Variants in ZAN observed in about 807,000 individuals in gnomAD.
ZAN encodes zonadhesin (gene/pseudogene).
In ZAN, 260 loss-of-function variants were observed where a neutral mutation model predicts 286.2. The ratio of observed to expected loss-of-function variants is 0.91; its 90% CI spans 0.82 to 1.01. The LOEUF (loss-of-function observed/expected upper bound fraction) is 1.01. Among genes scored for constraint, ZAN ranks in the 50% least tolerant of loss-of-function variants. The pLI, the probability that ZAN is intolerant of heterozygous loss-of-function variation, is 0.00. For missense variants in ZAN, 3,410 were observed against 3,639.2 expected, an observed-to-expected ratio of 0.94 and a Z score of 1.62; for synonymous variants, 1,368 against 1,417.5, an observed-to-expected ratio of 0.97 and a Z score of 0.79.
intron 29 of ZAN, among the ~76,000 whole-genome samples, chr7:100,772,786 A>G (rs1402689848): frequency 1.3e-5 from 2 of 150,654 alleles, no homozygotes; most frequent in African/African-American, 4.9e-5. Context: ...ATGCCACTGC[A>G]CTCCAGCCTG....
Position 100,737,297 on chromosome 7 carries a change from C to G in ZAN, c.561C>G (p.Tyr187Ter), listed in dbSNP as rs778724541. The G allele has an allele frequency of 1.1e-5, 16 of 1,490,654 alleles. 3 individuals are homozygous for G. In the African/African-American group the frequency reaches 2.1e-4, roughly 20 times the overall value. The allele number at this position is 1,490,654 out of a possible 1,614,324, so 92.3% of individuals were successfully genotyped here. The change falls in exon 6 of 48, where the codon TAC becomes TAG. Residue 187 changes from tyrosine to a stop codon, truncating the protein, a stop_gained. Coordinates refer to ENST00000613979, the MANE Select transcript of ZAN (RefSeq NM_003386.3). LOFTEE classifies it high-confidence loss of function. The part of the protein sequence containing the change: ...MFEGTRGSTA[Y>*]LDIALDALSI... ...AGGGAACACGGGGTAGCACTGCCTACCTGGACATCGCCCTGGATGCCCTCT... is the reference window on the plus strand; with the variant it reads ...AGGGAACACGGGGTAGCACTGCCTAGCTGGACATCGCCCTGGATGCCCTCT...
At position 100,746,690 on chromosome 7, in the gene ZAN, G is replaced by A; in HGVS notation, c.919G>A (p.Ala307Thr). 6.2e-7 allele frequency: 1 copy of A among 1,613,960 alleles called. No individual in the cohort carries two copies. Among genetic ancestry groups the A allele is most frequent in the Non-Finnish European group, 8.5e-7 (1 of 1,179,876 alleles). ...TCCTGGTGCAGCCCTCCACATTTATGCTTCAGTCTTGGGTTAGAGCGGAGA... is the reference window on the plus strand; with the variant it reads ...TCCTGGTGCAGCCCTCCACATTTATACTTCAGTCTTGGGTTAGAGCGGAGA... ...QSPGAALHIY[A>T]SVLGSIRKHT... Residue 307 changes from alanine to threonine, a missense_variant, in exon 8 of 48, where the codon GCT becomes ACT. This residue lies in a region of ZAN where 872 missense variants were observed against 938.9 expected (regional missense o/e 0.93). Transcript: ENST00000613979.
chr7:100,764,071 G>A lies in ZAN; in HGVS notation c.4142G>A (p.Cys1381Tyr), dbSNP rs1435989156. Reference protein sequence around the residue: ...HVKAASFFDSCMLDMCGFQGL... With the variant: ...HVKAASFFDSYMLDMCGFQGL... Reference sequence around the variant, plus strand: ...AAGGCCGCTTCCTTCTTCGACAGCTGCATGCTTGATATGTGCGGATTCCAG... The same window carrying A: ...AAGGCCGCTTCCTTCTTCGACAGCTACATGCTTGATATGTGCGGATTCCAG... Residue 1381 changes from cysteine to tyrosine, a missense_variant, in exon 22 of 48, where the codon TGC becomes TAC. Physicochemically the swap from Cys to Tyr is radical, Grantham distance 194. This residue lies in a region of ZAN where 1,042 missense variants were observed against 1,058.0 expected (regional missense o/e 0.98). Transcript: ENST00000613979. 2 of 1,613,760 alleles carry A rather than the reference G, an allele frequency of 1.2e-6. No homozygotes were observed. Among genetic ancestry groups the A allele is most frequent in the Non-Finnish European group, 1.7e-6 (2 of 1,179,840 alleles).
chr7:100,791,031 A>G lies in ZAN; in HGVS notation c.7447A>G (p.Ser2483Gly), dbSNP rs1811915768. ...KNRKNDMMLP[S>G]GALTQNLNTF... ...CCGCAAGAATGACATGATGCTGCCC[A>G]GTGGCGCCCTGACCCAGAACCTCAA... is the stretch of plus-strand genomic sequence containing the variant. The change falls in exon 40 of 48, where the codon AGT becomes GGT. Residue 2483 changes from serine to glycine, a missense_variant. This residue lies in a region of ZAN where 1,289 missense variants were observed against 1,314.3 expected (regional missense o/e 0.98). Transcript: ENST00000613979. 4 of 1,612,996 alleles carry G rather than the reference A, an allele frequency of 2.5e-6. No homozygotes were observed. The highest frequency in any genetic ancestry group is 1.7e-5 in the Admixed American group (1 of 59,852).
intron 39 of ZAN, among the ~76,000 whole-genome samples, chr7:100,790,128 G>A (rs1811841455): frequency 1.3e-5 from 2 of 151,890 alleles, no homozygotes; most frequent in Non-Finnish European, 2.9e-5. Context: ...GCTGGATGTG[G>A]TGGTGCACAC....
Position 100,751,825 on chromosome 7 carries a change from A to T in ZAN, c.1720A>T (p.Ile574Leu). ...CTCCACCAAGAAACCTACAGTTTCC[A>T]TAGAAAAACCCAGTGTCACCACAGA... Reference protein sequence around the residue: ...TISTKKPTVSIEKPSVTTEKP... With the variant: ...TISTKKPTVSLEKPSVTTEKP... The change falls in exon 14 of 48, where the codon ATA (isoleucine) becomes TTA (leucine). Residue 574 changes from isoleucine to leucine, a missense_variant. Physicochemically the swap from Ile to Leu is conservative, Grantham distance 5. Coordinates refer to ENST00000613979, the MANE Select transcript of ZAN (RefSeq NM_003386.3). 6.2e-7 allele frequency: 1 copy of T among 1,613,738 alleles called. No homozygotes were observed. The highest frequency in any genetic ancestry group is 8.5e-7 in the Non-Finnish European group (1 of 1,179,790).
rs1039337027 is a variant in ZAN at position 100,734,390 on chromosome 7, T to C, written c.53+169T>C. Among the ~76,000 whole-genome samples the C allele has an allele frequency of 1.4e-4, 20 of 138,326 alleles. 2 individuals carry two copies. Among genetic ancestry groups the C allele is most frequent in the South Asian group, 9.0e-4 (4 of 4,460 alleles). The allele number at this position is 138,326 out of a possible 152,430, so 90.7% of individuals were successfully genotyped here. On this transcript the variant is annotated intron_variant, in intron 2 of 47. Transcript: ENST00000613979. ...ATCCCAGCACTTTGGGAGGCTGAGG[T>C]GGGCAGATCACGAGGTCAGGAGATC...
At chr7:100,793,327 AGT>A (rs1384672250) in intron 42 of ZAN, among the ~76,000 whole-genome samples, 1 of 151,834 alleles carries the variant, frequency 6.6e-6, no homozygotes, top group African/African-American at 2.4e-5. Flanking sequence ...TGGGCAACAG[AGT>A]GACTCCATCT....
At position 100,789,496 on chromosome 7, in the gene ZAN, G is replaced by A. The variant is rs759669688; in HGVS notation, c.7357+149G>A. 33 of 1,306,632 alleles carry A rather than the reference G, an allele frequency of 2.5e-5. No homozygotes were observed. In the Admixed American group the frequency reaches 2.6e-4, roughly 10 times the overall value. 80.9% of individuals were successfully genotyped at this position (1,306,632 alleles called of 1,614,324 possible). A position where few individuals can be genotyped will look rare whatever the true frequency, so the allele number is the denominator to read the frequency against. On this transcript the variant is annotated intron_variant, in intron 39 of 47. Coordinates refer to ENST00000613979, the MANE Select transcript of ZAN (RefSeq NM_003386.3). ...GAGGAGGACCAGGAGGAGGTGAGGT[G>A]AGACCAGGTGGAGAGCAGAGGGCAG...
chr7:100,788,900 T>C (rs781523137), intron 38 of ZAN, among the ~76,000 whole-genome samples: 3 of 152,052 alleles, frequency 2.0e-5, no homozygotes, highest in South Asian at 2.1e-4. Flanking sequence ...GGTTTCCCCA[T>C]GTTGGCCAGG....
chr7:100,796,908 C>T (rs780729955), intron 45 of ZAN, among the ~76,000 whole-genome samples: 29 of 151,996 alleles, frequency 1.9e-4, no homozygotes, highest in African/African-American at 4.1e-4. Flanking sequence ...GAGGCCAAGG[C>T]GGGAGGATCA....
In ZAN at chr7:100,789,318, T is replaced by C. The variant is rs745998185; in HGVS notation, c.7328T>C (p.Val2443Ala). The change falls in exon 39 of 48, where the codon GTC becomes GCC. Residue 2443 changes from valine (V) to alanine (A), a missense_variant. Around this residue, in one of 7 missense-constraint regions of ZAN, gnomAD observed 1,289 missense variants for 1,314.3 expected, o/e 0.98. Coordinates refer to ENST00000613979, the MANE Select transcript of ZAN (RefSeq NM_003386.3). Reference protein sequence around the residue: ...RLYLVTDFELVVSFGGRKNAV... With the variant: ...RLYLVTDFELAVSFGGRKNAV... ...TACCTGGTCACCGACTTTGAGCTGGTCGTCAGCTTTGGTGGAAGGAAAAAT... is the reference window on the plus strand; with the variant it reads ...TACCTGGTCACCGACTTTGAGCTGGCCGTCAGCTTTGGTGGAAGGAAAAAT... 2 of 1,613,762 alleles carry C rather than the reference T, an allele frequency of 1.2e-6. No homozygotes were observed. The highest frequency in any genetic ancestry group is 1.7e-6 in the Non-Finnish European group (2 of 1,179,810).
intron 38 of ZAN, among the ~76,000 whole-genome samples, chr7:100,788,873 A>C (rs1054849880): frequency 2.0e-5 from 3 of 151,872 alleles, no homozygotes; most frequent in African/African-American, 7.3e-5. Flanking sequence ...TAATTTTTGT[A>C]TTTTTAGTAG....
At position 100,762,419 on chromosome 7, in the gene ZAN, CTTTTTTTTTTT is replaced by C. The variant is rs869138443; in HGVS notation, c.3986+75_3986+85del. ...GGTTCCGTCCCCTTCCTGGAACTCTCTTTTTTTTTTTTTTTTTTTTTTTTGAGATGGAGTCT... is the reference window on the plus strand; with the variant it reads ...GGTTCCGTCCCCTTCCTGGAACTCTCTTTTTTTTTTTTTGAGATGGAGTCT... On this transcript the variant is annotated intron_variant, in intron 20 of 47. Transcript: ENST00000613979. 1.8e-5 allele frequency: 18 copies of C among 1,019,224 alleles called. 1 individual carries two copies. Among genetic ancestry groups the C allele is most frequent in the Non-Finnish European group, 1.9e-5 (15 of 809,482 alleles). 63.1% of individuals were successfully genotyped at this position (1,019,224 alleles called of 1,614,324 possible). A position where few individuals can be genotyped will look rare whatever the true frequency, so the allele number is the denominator to read the frequency against.
At chr7:100,792,294 T>C in intron 41 of ZAN, 111 bp from the exon 42 acceptor site, 2 of 1,515,388 alleles carry the variant, frequency 1.3e-6, no homozygotes, top group Non-Finnish European at 1.8e-6. Context: ...TGACCCTCAC[T>C]GGACACCGAC....
intron 9 of ZAN, 100 bp from the exon 10 acceptor site, chr7:100,748,037 G>C: frequency 1.1e-6 from 1 of 948,326 alleles, no homozygotes; most frequent in African/African-American, 1.6e-5. Context: ...CTGGGCACAG[G>C]GAGTAGGGAT....
Position 100,779,702 on chromosome 7 carries a change from C to T in ZAN, c.6574C>T (p.Gln2192Ter), listed in dbSNP as rs773783506. 9.0e-6 allele frequency: 14 copies of T among 1,558,996 alleles called. No homozygotes were observed. The East Asian group carries it at 3.4e-4, about 38-fold the overall frequency. ...QALQAFGATCQSQGLKPPLWR... is the reference protein window; with the variant it reads ...QALQAFGATC ...TCTGCAAGCCTTCGGGGCCACCTGC[C>T]AGAGCCAGGGGCTCAAGCCCCCACT... The change falls in exon 35 of 48, where the codon CAG (glutamine) becomes TAG (stop). Residue 2192 changes from glutamine (Q) to a stop codon, truncating the protein, a stop_gained. Transcript: ENST00000613979. LOFTEE classifies it high-confidence loss of function.
At chr7:100,794,560 T>A (rs79990258) in intron 44 of ZAN, among the ~76,000 whole-genome samples, 3,835 of 152,198 alleles carry the variant, frequency 0.025, 80 homozygotes, top group Middle Eastern at 0.1. Context: ...CTGCTGGGCG[T>A]GGGTGACTCA....
At chr7:100,759,917 G>C in intron 18 of ZAN, 72 bp downstream of exon 18, 1 of 1,541,922 alleles carries the variant, frequency 6.5e-7, no homozygotes. Context: ...TCCAATCCCT[G>C]AACCTTTCCA....
Sources: allele counts gnomAD v4.1 joint callset (sites outside exome capture counted in the v4.1 genomes callset), GRCh38; gene constraint gnomAD v4.1.1; regional missense constraint gnomAD v4.1.1; transcripts MANE v1.5; gene names NCBI Gene and HGNC (gene_info 2026-07-23, HGNC 2026-07-21).